The following HSP90AB1 variants were observed in gnomAD, a reference collection of about 807,000 sequenced individuals.
HSP90AB1 encodes heat shock protein 90 alpha family class B member 1.
HSP90AB1 carries 17 observed loss-of-function variants against 67.8 expected under a neutral mutation model. The ratio of observed to expected loss-of-function variants is 0.25; its 90% CI spans 0.17 to 0.38. The LOEUF (loss-of-function observed/expected upper bound fraction) is 0.38, where lower values mean the gene tolerates loss of function less well. Among genes scored for constraint, HSP90AB1 ranks in the 10% least tolerant of loss-of-function variants. HSP90AB1 has a pLI of 1.00. For missense variants in HSP90AB1, 690 were observed against 899.9 expected, an observed-to-expected ratio of 0.77 and a Z score of 2.98; for synonymous variants, 390 against 312.9, an observed-to-expected ratio of 1.25 and a Z score of -2.60.
In HSP90AB1 at chr6:44,253,765, C is replaced by G; in HGVS notation, c.*167C>G. On this transcript the variant is annotated 3_prime_UTR_variant, in exon 12 of 12. Coordinates refer to ENST00000371646, the MANE Select transcript of HSP90AB1 (RefSeq NM_007355.4). Reference sequence around the variant, plus strand: ...GGCAGTAAACTAAGGGTGTCAAGCCCCATTCCCTCTCTACTCTTGACAGCA... The same window carrying G: ...GGCAGTAAACTAAGGGTGTCAAGCCGCATTCCCTCTCTACTCTTGACAGCA... 2 of 778,632 alleles carry G rather than the reference C, an allele frequency of 2.6e-6. No individual in the cohort carries two copies. Among genetic ancestry groups the G allele is most frequent in the Non-Finnish European group, 4.8e-6 (2 of 417,504 alleles). 48.2% of individuals were successfully genotyped at this position (778,632 alleles called of 1,614,324 possible). A position where few individuals can be genotyped will look rare whatever the true frequency, so the allele number is the denominator to read the frequency against.
chr6:44,253,852 A>G lies in HSP90AB1; in HGVS notation c.*254A>G, dbSNP rs1781057909. ...CTTCATTTTGTTCTGAAATTAAAGT[A>G]TGCAAAATAAAGAATATGCCGTTTT... On this transcript the variant is annotated 3_prime_UTR_variant, in exon 12 of 12. Transcript: ENST00000371646. The G allele has an allele frequency of 8.3e-6, 6 of 723,498 alleles. No homozygotes were observed. In the East Asian group the frequency reaches 1.4e-4, roughly 16 times the overall value. 44.8% of individuals were successfully genotyped at this position (723,498 alleles called of 1,614,324 possible).
At chr6:44,247,070 T>A (rs1373908841), upstream of HSP90AB1, 2 of 152,164 alleles carry the variant, frequency 1.3e-5, no homozygotes, top group African/African-American at 2.4e-5. Flanking sequence ...TGCTTCGCCT[T>A]ATATAGGGCG....
rs1582990912 is a variant in HSP90AB1 at position 44,253,260 on chromosome 6, G to A, written c.1947G>A (p.Lys649=). The A allele has an allele frequency of 1.2e-6, 2 of 1,614,218 alleles. No homozygotes were observed. Among genetic ancestry groups the A allele is most frequent in the Non-Finnish European group, 1.7e-6 (2 of 1,180,048 alleles). Residue 649 remains lysine, a synonymous_variant, in exon 11 of 12, where the codon AAG becomes AAA. Coordinates refer to ENST00000371646, the MANE Select transcript of HSP90AB1 (RefSeq NM_007355.4). The part of the protein sequence containing the change: ...RQKAEADKND[K]AVKDLVVLLF... Reference sequence around the variant, plus strand: ...AGGCTGAGGCCGACAAGAATGATAAGGCAGTTAAGGACCTGGTGGTGCTGC... The same window carrying A: ...AGGCTGAGGCCGACAAGAATGATAAAGCAGTTAAGGACCTGGTGGTGCTGC...
At chr6:44,249,293 C>G in intron 2 of HSP90AB1, 84 bp from the exon 3 acceptor site, 2 of 1,126,814 alleles carry the variant, frequency 1.8e-6, no homozygotes, top group Non-Finnish European at 2.7e-6. Flanking sequence ...GAGCTGTCAT[C>G]CTTGCCACTG....
chr6:44,253,543 A>G lies in HSP90AB1; in HGVS notation c.2120A>G (p.Glu707Gly). ...AEEPNAAVPDEIPPLEGDEDA... is the reference protein window; with the variant it reads ...AEEPNAAVPDGIPPLEGDEDA... ...GAACCCAATGCTGCAGTTCCTGATG[A>G]GATCCCCCCTCTCGAGGGCGATGAG... The change falls in exon 12 of 12, where the codon GAG becomes GGG. Residue 707 changes from glutamate to glycine, a missense_variant. Physicochemically the swap from Glu to Gly is moderately conservative, Grantham distance 98 (BLOSUM62 -2). Coordinates refer to ENST00000371646, the MANE Select transcript of HSP90AB1 (RefSeq NM_007355.4). 6.2e-7 allele frequency: 1 copy of G among 1,614,144 alleles called. No homozygotes were observed. The highest frequency in any genetic ancestry group is 8.5e-7 in the Non-Finnish European group (1 of 1,179,986).
At chr6:44,251,937 G>A in intron 9 of HSP90AB1, 53 bp downstream of exon 9, 4 of 1,613,222 alleles carry the variant, frequency 2.5e-6, no homozygotes, top group Non-Finnish European at 3.4e-6. Context: ...CACAATTAGG[G>A]CTTCCTGGGA....
chr6:44,249,288 G>C, intron 2 of HSP90AB1, 89 bp from the exon 3 acceptor site: 1 of 1,077,612 alleles, frequency 9.3e-7, no homozygotes. Flanking sequence ...GCAGTGAGCT[G>C]TCATCCTTGC....
intron 8 of HSP90AB1, 30 bp downstream of exon 8, chr6:44,251,638 T>C (rs778996576): frequency 7.6e-6 from 12 of 1,588,544 alleles, no homozygotes; most frequent in Non-Finnish European, 9.4e-6. Flanking sequence ...TTATTCCCTT[T>C]ACCACTTTCT....
rs1156489083 is a variant in HSP90AB1 at position 44,253,744 on chromosome 6, G to GTAA, written c.*147_*149dup. 12 of 782,336 alleles carry GTAA rather than the reference G, an allele frequency of 1.5e-5. No homozygotes were observed. Among genetic ancestry groups the GTAA allele is most frequent in the Non-Finnish European group, 2.9e-5 (12 of 420,674 alleles). 48.5% of individuals were successfully genotyped at this position (782,336 alleles called of 1,614,324 possible). On this transcript the variant is annotated 3_prime_UTR_variant, in exon 12 of 12. Transcript: ENST00000371646. ...CTCTCCTGTCCTTGTGTTGAAGGCA[G>GTAA]TAAACTAAGGGTGTCAAGCCCCATT...
intron 2 of HSP90AB1, 115 bp from the exon 3 acceptor site, chr6:44,249,262 C>A: frequency 1.2e-6 from 1 of 805,856 alleles, no homozygotes; most frequent in Non-Finnish European, 2.0e-6. Flanking sequence ...TGGCTCGAAC[C>A]TGGGAGGTCA....
chr6:44,251,098 T>C lies in HSP90AB1; in HGVS notation c.1008T>C (p.Pro336=), dbSNP rs1206132267. The part of the protein sequence containing the change: ...QLEFRALLFI[P]RRAPFDLFEN... ...AATTCAGGGCATTGCTATTTATTCC[T>C]CGTCGGGCTCCCTTTGACCTTTTTG... Residue 336 remains proline (P), a synonymous_variant, in exon 7 of 12, where the codon CCT becomes CCC. Transcript: ENST00000371646. 1.9e-6 allele frequency: 3 copies of C among 1,614,022 alleles called. No homozygotes were observed. Among genetic ancestry groups the C allele is most frequent in the East Asian group, 4.5e-5 (2 of 44,902 alleles).
upstream of HSP90AB1, among the ~76,000 whole-genome samples, chr6:44,246,587 C>A (rs913691830): frequency 6.6e-6 from 1 of 152,244 alleles, no homozygotes; most frequent in Non-Finnish European, 1.5e-5. Context: ...TTCCTCTACT[C>A]CTGCGAGAGT....
intron 10 of HSP90AB1, 109 bp from the exon 11 acceptor site, chr6:44,252,936 A>G (rs746155683): frequency 1.1e-5 from 9 of 854,032 alleles, no homozygotes; most frequent in Admixed American, 2.4e-5. Flanking sequence ...ATGGTCTCAA[A>G]CTCAAGTGGT....
Position 44,251,435 on chromosome 6 carries a change from G to A in HSP90AB1, c.1141G>A (p.Val381Ile), listed in dbSNP as rs1324124263. The A allele has an allele frequency of 1.2e-6, 2 of 1,604,400 alleles. No homozygotes were observed. Among genetic ancestry groups the A allele is most frequent in the Non-Finnish European group, 1.7e-6 (2 of 1,174,072 alleles). The change falls in exon 8 of 12, where the codon GTT (valine) becomes ATT (isoleucine). Residue 381 changes from valine (V) to isoleucine (I), a missense_variant. By Grantham distance (29) the Val-to-Ile change is conservative (BLOSUM62 3). Transcript: ENST00000371646. Reference protein sequence around the residue: ...PEYLNFIRGVVDSEDLPLNIS... With the variant: ...PEYLNFIRGVIDSEDLPLNIS... ...GATGGCAGATTTTATCCGTGGTGTGGTTGACTCTGAGGATCTGCCCCTGAA... is the reference window on the plus strand; with the variant it reads ...GATGGCAGATTTTATCCGTGGTGTGATTGACTCTGAGGATCTGCCCCTGAA...
Position 44,253,578 on chromosome 6 carries a change from C to T in HSP90AB1, c.2155C>T (p.Arg719Cys), listed in dbSNP as rs778614665. The T allele has an allele frequency of 2.5e-6, 4 of 1,613,730 alleles. No homozygotes were observed. Among genetic ancestry groups the T allele is most frequent in the Admixed American group, 1.7e-5 (1 of 60,008 alleles). Residue 719 changes from arginine (R) to cysteine (C), a missense_variant, in exon 12 of 12, where the codon CGC becomes TGC. By Grantham distance (180) the Arg-to-Cys change is radical. This residue lies in a region of HSP90AB1 where 120 missense variants were observed against 153.5 expected (regional missense o/e 0.78). Transcript: ENST00000371646. Reference protein sequence around the residue: ...PPLEGDEDASRMEEVD With the variant: ...PPLEGDEDASCMEEVD ...TCTCGAGGGCGATGAGGATGCGTCTCGCATGGAAGAAGTCGATTAGGTTAG... is the reference window on the plus strand; with the variant it reads ...TCTCGAGGGCGATGAGGATGCGTCTTGCATGGAAGAAGTCGATTAGGTTAG...
Position 44,249,547 on chromosome 6 carries a change from C to G in HSP90AB1, c.318C>G (p.Ala106=). The G allele has an allele frequency of 7.4e-6, 12 of 1,614,146 alleles. No homozygotes were observed. The highest frequency in any genetic ancestry group is 9.3e-6 in the Non-Finnish European group (11 of 1,179,992). The change falls in exon 3 of 12, where the codon GCC becomes GCG. Residue 106 remains alanine, a synonymous_variant. Coordinates refer to ENST00000371646, the MANE Select transcript of HSP90AB1 (RefSeq NM_007355.4). ...TCATAAATAATTTGGGAACCATTGCCAAGTCTGGTACTAAAGCATTCATGG... is the reference window on the plus strand; with the variant it reads ...TCATAAATAATTTGGGAACCATTGCGAAGTCTGGTACTAAAGCATTCATGG... ...ADLINNLGTI[A]KSGTKAFMEA... is the part of the protein sequence containing the mutation.
intron 10 of HSP90AB1, among the ~76,000 whole-genome samples, chr6:44,252,564 C>T (rs562043322): frequency 2.8e-4 from 43 of 152,190 alleles, no homozygotes; most frequent in Middle Eastern, 3.4e-3. Context: ...GGCACGATCT[C>T]TGCTCATTGC....
In HSP90AB1 at chr6:44,251,053, T is replaced by C. The variant is rs1232115499; in HGVS notation, c.963T>C (p.Phe321=). The C allele has an allele frequency of 1.9e-6, 3 of 1,613,992 alleles. No individual in the cohort carries two copies. Among genetic ancestry groups the C allele is most frequent in the Non-Finnish European group, 2.5e-6 (3 of 1,179,846 alleles). The change falls in exon 7 of 12, where the codon TTT becomes TTC. Residue 321 remains phenylalanine (F), a synonymous_variant. Transcript: ENST00000371646. ...TTATTTTTGGTTTCTTTCAGCACTTTTCTGTAGAAGGTCAGTTGGAATTCA... is the reference window on the plus strand; with the variant it reads ...TTATTTTTGGTTTCTTTCAGCACTTCTCTGTAGAAGGTCAGTTGGAATTCA... The part of the protein sequence containing the change: ...DWEDHLAVKH[F]SVEGQLEFRA...
intron 10 of HSP90AB1, 116 bp downstream of exon 10, chr6:44,252,383 C>T (rs940423533): frequency 1.7e-5 from 16 of 917,478 alleles, no homozygotes; most frequent in African/African-American, 3.3e-5. Context: ...TTCATGCCTT[C>T]TTGCCTCTTG....
Sources: gnomAD v4.1 joint callset for allele counts (sites outside exome capture counted in the v4.1 genomes callset) on GRCh38, gnomAD v4.1.1 for gene constraint, gnomAD v4.1.1 regional missense constraint, MANE v1.5 for transcripts, NCBI Gene and HGNC (gene_info 2026-07-23, HGNC 2026-07-21) for gene names.